Variants in RAD9B observed in about 807,000 individuals in gnomAD.
RAD9B encodes the protein RAD9 checkpoint clamp component B, also known as cell cycle checkpoint control protein RAD9B.
In RAD9B, 41 loss-of-function variants were observed where a neutral mutation model predicts 48.3. The observed-to-expected ratio is 0.85, with a 90% CI of 0.66 to 1.10. The LOEUF (loss-of-function observed/expected upper bound fraction) is 1.10. Ranked by LOEUF, RAD9B falls within the 50% of genes least tolerant of loss-of-function variation. The probability of loss-of-function intolerance (pLI) is 0.00; values close to 1 mark genes in which losing one functional copy is unlikely to be tolerated. For missense variants in RAD9B, 444 were observed against 485.1 expected (o/e 0.92, Z 0.80); for synonymous variants, 160 against 157.9 (o/e 1.01, Z -0.10).
chr12:110,525,520 G>T (rs528975103), intron 10 of RAD9B, among the ~76,000 whole-genome samples: 44 of 152,126 alleles, frequency 2.9e-4, no homozygotes, highest in Admixed American at 1.4e-3. Context: ...TGTATTTTTG[G>T]TAAGAATTCA....
chr12:110,506,896 A>G (rs2063291007), intron 4 of RAD9B, among the ~76,000 whole-genome samples: 2 of 151,360 alleles, frequency 1.3e-5, no homozygotes, highest in Non-Finnish European at 2.9e-5. Context: ...CTGGAGTGCA[A>G]TGCCGCCATC....
chr12:110,529,464 A>AATT (rs1249057006), intron 10 of RAD9B, among the ~76,000 whole-genome samples: 2 of 152,142 alleles, frequency 1.3e-5, no homozygotes, highest in African/African-American at 4.8e-5. Flanking sequence ...TTTTAAAGAT[A>AATT]AGAAGACTGA....
intron 10 of RAD9B, among the ~76,000 whole-genome samples, chr12:110,524,627 C>T (rs944791604): frequency 1.3e-5 from 2 of 151,820 alleles, no homozygotes; most frequent in African/African-American, 2.4e-5. Context: ...GATTGGCCGG[C>T]GTGGTGGCTC....
chr12:110,504,983 C>G (rs1303026204), intron 2 of RAD9B, among the ~76,000 whole-genome samples: 2 of 151,418 alleles, frequency 1.3e-5, no homozygotes, highest in African/African-American at 4.9e-5. Flanking sequence ...TCCAGCCTGG[C>G]CAACAGGCTG....
In RAD9B at chr12:110,532,740, A is replaced by G. The variant is rs2064171880; in HGVS notation, c.*2087A>G. Among the ~76,000 whole-genome samples, 2 of 152,198 alleles carry G rather than the reference A, an allele frequency of 1.3e-5. No homozygotes were observed. The highest frequency in any genetic ancestry group is 6.5e-5 in the Admixed American group (1 of 15,276). ...ACCATAGTTTTGCTGAAACATTTCTATGTTTAGATATACAGATGCTTACTG... is the reference window on the plus strand; with the variant it reads ...ACCATAGTTTTGCTGAAACATTTCTGTGTTTAGATATACAGATGCTTACTG... On this transcript the variant is annotated 3_prime_UTR_variant, in exon 11 of 11. Transcript: ENST00000409300.
At chr12:110,510,102 C>T (rs549004999) in intron 4 of RAD9B, among the ~76,000 whole-genome samples, 2 of 152,314 alleles carry the variant, frequency 1.3e-5, no homozygotes, top group South Asian at 2.1e-4. Context: ...CCATTTTACC[C>T]AGGGTAAAAG....
At chr12:110,518,531 A>C (rs562695808) in intron 6 of RAD9B, 145 bp from the exon 7 acceptor site, 39 of 511,842 alleles carry the variant, frequency 7.6e-5, no homozygotes, top group Middle Eastern at 5.3e-4. Flanking sequence ...ATTTAAAAAT[A>C]GCATGCAGAT....
chr12:110,521,740 T>G (rs2063792449), intron 9 of RAD9B, among the ~76,000 whole-genome samples: 1 of 151,866 alleles, frequency 6.6e-6, no homozygotes, highest in Non-Finnish European at 1.5e-5. Context: ...GTATTTTTAG[T>G]AGAGACGAGG....
rs1431453904 is a variant in RAD9B, at chr12:110,531,724, A to G, written c.*1071A>G. 4 of 1,238,936 alleles carry G rather than the reference A, an allele frequency of 3.2e-6. No homozygotes were observed. The East Asian group carries it at 9.6e-5, about 30-fold the overall frequency. 76.7% of individuals were successfully genotyped at this position (1,238,936 alleles called of 1,614,324 possible). On this transcript the variant is annotated 3_prime_UTR_variant, in exon 11 of 11. Transcript: ENST00000409300. ...TCTGTTCTTTGGCCCTTTAAGAGTT[A>G]GCTTTTTACCTGCACAAATGGACTA...
intron 4 of RAD9B, among the ~76,000 whole-genome samples, chr12:110,511,020 A>G (rs2063442369): frequency 6.6e-6 from 1 of 152,080 alleles, no homozygotes; most frequent in Non-Finnish European, 1.5e-5. Flanking sequence ...AAGAAAAGAA[A>G]AGAATTAACA....
rs187689043 is a variant in RAD9B, at chr12:110,521,234, A to G, written c.891-943A>G. ...TGCAGTAGCACAGTCATAGCTCATC[A>G]TAGTCTCAACCTCCCAGGCTGAAGC... On this transcript the variant is annotated intron_variant, in intron 9 of 10. Transcript: ENST00000409300. Among the ~76,000 whole-genome samples the G allele has an allele frequency of 5.2e-3, 783 of 152,020 alleles. 2 individuals are homozygous for G. The highest frequency in any genetic ancestry group is 8.8e-3 in the Non-Finnish European group (596 of 67,954).
At position 110,528,623 on chromosome 12, in the gene RAD9B, A is replaced by G. The variant is rs117095814; in HGVS notation, c.1126-1902A>G. On this transcript the variant is annotated intron_variant, in intron 10 of 10. Coordinates refer to ENST00000409300, the MANE Select transcript of RAD9B (RefSeq NM_001286535.2). ...CGGCATGAGAAAGATGTCAGAGTGAATAACAAGTGGGGAGGACTGAAAATG... is the reference window on the plus strand; with the variant it reads ...CGGCATGAGAAAGATGTCAGAGTGAGTAACAAGTGGGGAGGACTGAAAATG... Among the ~76,000 whole-genome samples the G allele has an allele frequency of 6.9e-3, 1,045 of 152,328 alleles. 1 individual carries two copies. The highest frequency in any genetic ancestry group is 9.4e-3 in the Non-Finnish European group (639 of 68,034).
chr12:110,513,295 T>C (rs2063517888), intron 5 of RAD9B, among the ~76,000 whole-genome samples: 1 of 151,854 alleles, frequency 6.6e-6, no homozygotes, highest in Non-Finnish European at 1.5e-5. Context: ...TAAGCTGAAA[T>C]TTGACTTGGA....
intron 4 of RAD9B, among the ~76,000 whole-genome samples, chr12:110,506,901 G>A (rs1048282610): frequency 6.6e-6 from 1 of 150,530 alleles, no homozygotes. Context: ...GTGCAATGCC[G>A]CCATCTCAGC....
intron 9 of RAD9B, among the ~76,000 whole-genome samples, chr12:110,520,977 T>C (rs2063768757): frequency 6.6e-6 from 1 of 151,938 alleles, no homozygotes; most frequent in Admixed American, 6.6e-5. Context: ...TCTTTTCTTT[T>C]GGGGGAAGAA....
At chr12:110,525,073 C>A (rs1044106533) in intron 10 of RAD9B, among the ~76,000 whole-genome samples, 1 of 152,116 alleles carries the variant, frequency 6.6e-6, no homozygotes, top group African/African-American at 2.4e-5. Context: ...GCAACCTCCA[C>A]CTCCCGGGTT....
intron 4 of RAD9B, among the ~76,000 whole-genome samples, chr12:110,511,072 T>A (rs994685981): frequency 2.6e-5 from 4 of 152,186 alleles, no homozygotes; most frequent in African/African-American, 9.7e-5. Flanking sequence ...TTTAGAAATA[T>A]CAGTCCTGGA....
chr12:110,531,536 A>C lies in RAD9B; in HGVS notation c.*883A>C. The C allele has an allele frequency of 7.1e-7, 1 of 1,413,032 alleles. No individual in the cohort carries two copies. Among genetic ancestry groups the C allele is most frequent in the Non-Finnish European group, 1.0e-6 (1 of 1,003,186 alleles). 87.5% of individuals were successfully genotyped at this position (1,413,032 alleles called of 1,614,324 possible). ...GTAAAATTTTATTTCCTAACCTCAA[A>C]TTGTTCTGATTTTCAGATGTGATTT... On this transcript the variant is annotated 3_prime_UTR_variant, in exon 11 of 11. Transcript: ENST00000409300.
At chr12:110,516,211 A>G (rs2063596103) in intron 6 of RAD9B, among the ~76,000 whole-genome samples, 1 of 151,916 alleles carries the variant, frequency 6.6e-6, no homozygotes, top group Non-Finnish European at 1.5e-5. Flanking sequence ...CAGGCAAGAC[A>G]GCAAGATCTT....
Sources: gnomAD v4.1 joint callset for allele counts (sites outside exome capture counted in the v4.1 genomes callset) on GRCh38, gnomAD v4.1.1 for gene constraint, MANE v1.5 for transcripts, NCBI Gene and HGNC (gene_info 2026-07-23, HGNC 2026-07-21) for gene names.